MME: variants seen among roughly 807,000 people sequenced by gnomAD.
The protein encoded by MME is membrane metalloendopeptidase.
In MME, 98 loss-of-function variants were observed where a neutral mutation model predicts 113.2. The ratio of observed to expected loss-of-function variants is 0.87; its 90% CI spans 0.74 to 1.02. The LOEUF is 1.02. Among genes scored for constraint, MME ranks in the 50% least tolerant of loss-of-function variants. MME has a pLI of 0.00. For missense variants in MME, 836 were observed against 896.0 expected (o/e 0.93, Z 0.86); for synonymous variants, 292 against 300.6 (o/e 0.97, Z 0.30).
At position 155,100,381 on chromosome 3, in the gene MME, T is replaced by A. The variant is rs148913215; in HGVS notation, c.197-14613T>A. On this transcript the variant is annotated intron_variant, in intron 3 of 22. Transcript: ENST00000360490. Reference sequence around the variant, plus strand: ...CATCTCACACCAGTTAGAATGGCGATCATTAAAAAGTCAAGAAACAACAGG... The same window carrying A: ...CATCTCACACCAGTTAGAATGGCGAACATTAAAAAGTCAAGAAACAACAGG... Among the ~76,000 whole-genome samples the A allele has an allele frequency of 4.8e-3, 734 of 152,238 alleles. 7 individuals carry two copies. The highest frequency in any genetic ancestry group is 0.015 in the African/African-American group (638 of 41,534).
chr3:155,105,115 A>T (rs980705195), intron 3 of MME, among the ~76,000 whole-genome samples: 5 of 152,170 alleles, frequency 3.3e-5, no homozygotes, highest in African/African-American at 1.2e-4. Context: ...ATTGAAATGG[A>T]CTATGAGATA....
chr3:155,133,115 A>C (rs1239052364), intron 8 of MME, among the ~76,000 whole-genome samples: 2 of 144,150 alleles, frequency 1.4e-5, no homozygotes, highest in African/African-American at 5.1e-5. Context: ...GACAATTATC[A>C]TCATTTCACA....
intron 16 of MME, among the ~76,000 whole-genome samples, chr3:155,159,241 G>A (rs1417790277): frequency 1.3e-5 from 2 of 152,060 alleles, no homozygotes; most frequent in South Asian, 2.1e-4. Context: ...GGCAGAGCAG[G>A]GTCTAGAAAC....
intron 22 of MME, among the ~76,000 whole-genome samples, chr3:155,172,939 G>A (rs772075994): frequency 1.5e-4 from 23 of 152,044 alleles, no homozygotes; most frequent in Non-Finnish European, 2.5e-4. Context: ...AAGAGGCTGT[G>A]AATGGTTTAG....
chr3:155,072,798 A>G (rs1432723017), intron 1 of MME, among the ~76,000 whole-genome samples: 1 of 152,208 alleles, frequency 6.6e-6, no homozygotes, highest in African/African-American at 2.4e-5. Context: ...GTTGGGCTGT[A>G]AGTCATGTGT....
rs115317174 is a variant in MME at position 155,126,538 on chromosome 3, G to T, written c.720+7727G>T. ...ATATAGAAGCATTTTTGTTTAACCT[G>T]TAGTGTTTTTTTTTAAATTTTGAAT... On this transcript the variant is annotated intron_variant, in intron 8 of 22. Coordinates refer to ENST00000360490, the MANE Select transcript of MME (RefSeq NM_007289.4). Among the ~76,000 whole-genome samples, 531 of 151,752 alleles carry T rather than the reference G, an allele frequency of 3.5e-3. 6 individuals are homozygous for T. Among genetic ancestry groups the T allele is most frequent in the African/African-American group, 0.012 (514 of 41,386 alleles).
At chr3:155,099,141 A>G (rs144731703) in intron 3 of MME, among the ~76,000 whole-genome samples, 104 of 152,312 alleles carry the variant, frequency 6.8e-4, no homozygotes, top group Admixed American at 1.2e-3. Context: ...CATATGGATT[A>G]GTATTTTCAG....
chr3:155,121,420 C>A (rs975939109), intron 8 of MME, among the ~76,000 whole-genome samples: 4 of 151,054 alleles, frequency 2.6e-5, no homozygotes, highest in South Asian at 2.1e-4. Flanking sequence ...CCTTCTCTTG[C>A]CTAATTGCCC....
Position 155,116,715 on chromosome 3 carries a change from T to C in MME, c.491T>C (p.Ile164Thr), listed in dbSNP as rs1212686894. 1.2e-6 allele frequency: 2 copies of C among 1,613,620 alleles called. No homozygotes were observed. Among genetic ancestry groups the C allele is most frequent in the Admixed American group, 1.7e-5 (1 of 59,922 alleles). Residue 164 changes from isoleucine to threonine, a missense_variant, in exon 6 of 23, where the codon ATA becomes ACA. Ile to Thr is a moderately conservative substitution (Grantham distance 89). Transcript: ENST00000360490. ...CCTCTACTCAAACTGTTACCAGACA[T>C]ATATGGGTGGCCAGTAGCAACAGAA... Reference protein sequence around the residue: ...GEPLLKLLPDIYGWPVATENW... With the variant: ...GEPLLKLLPDTYGWPVATENW...
chr3:155,171,490 G>T (rs56661524), intron 20 of MME, among the ~76,000 whole-genome samples: 1,883 of 152,194 alleles, frequency 0.012, 22 homozygotes, highest in African/African-American at 0.036. Flanking sequence ...TTTTTCAGTA[G>T]CATAAATCTT....
At chr3:155,172,715 A>T (rs1218076070) in intron 22 of MME, 103 bp downstream of exon 22, 1 of 853,268 alleles carries the variant, frequency 1.2e-6, no homozygotes, top group Non-Finnish European at 1.9e-6. Flanking sequence ...ACATTTGGAA[A>T]TTCAGTGCTT....
At chr3:155,176,060 T>C (rs1712489560) in intron 22 of MME, among the ~76,000 whole-genome samples, 1 of 152,184 alleles carries the variant, frequency 6.6e-6, no homozygotes, top group Non-Finnish European at 1.5e-5. Context: ...TAAAAATTAG[T>C]TAATGATGAA....
intron 3 of MME, among the ~76,000 whole-genome samples, chr3:155,103,628 A>G (rs564108853): frequency 6.6e-6 from 1 of 152,272 alleles, no homozygotes; most frequent in South Asian, 2.1e-4. Context: ...ACTTGGGTGT[A>G]AGCATTTCCA....
At chr3:155,035,738 T>G (rs551035845) in intron 1 of MME, among the ~76,000 whole-genome samples, 1 of 151,976 alleles carries the variant, frequency 6.6e-6, no homozygotes, top group African/African-American at 2.4e-5. Flanking sequence ...GTGGAAGAGA[T>G]AAGGTGAGAG....
chr3:155,035,573 A>C (rs1713101587), intron 1 of MME, among the ~76,000 whole-genome samples: 1 of 152,166 alleles, frequency 6.6e-6, no homozygotes, highest in Non-Finnish European at 1.5e-5. Flanking sequence ...AGGCTTCTTT[A>C]AGAAGGTGGC....
chr3:155,031,963 G>GCT (rs374706754), intron 1 of MME, among the ~76,000 whole-genome samples: 1 of 152,222 alleles, frequency 6.6e-6, no homozygotes, highest in Non-Finnish European at 1.5e-5. Flanking sequence ...CCGGCCACCA[G>GCT]CTTTTGTTTT....
chr3:155,117,604 T>TG (rs1203331872), intron 7 of MME, among the ~76,000 whole-genome samples: 2 of 60,994 alleles, frequency 3.3e-5, no homozygotes, highest in Non-Finnish European at 7.9e-5. Flanking sequence ...TTTTTGTTTT[T>TG]TTTTTTTTTT....
intron 16 of MME, among the ~76,000 whole-genome samples, 170 bp from the exon 17 acceptor site, chr3:155,160,219 AG>A (rs1722617495): frequency 6.6e-6 from 1 of 152,138 alleles, no homozygotes; most frequent in Admixed American, 6.6e-5. Context: ...TTCAAGAAAT[AG>A]AAATGCTTTC....
At chr3:155,047,267 CTATAGTATG>C (rs932005078) in intron 1 of MME, among the ~76,000 whole-genome samples, 3 of 152,106 alleles carry the variant, frequency 2.0e-5, no homozygotes, top group African/African-American at 7.2e-5. Context: ...TTACCACTGT[CTATAGTATG>C]TAATAGAGTA....
Sources: gnomAD v4.1 joint callset for allele counts (sites outside exome capture counted in the v4.1 genomes callset) on GRCh38, gnomAD v4.1.1 for gene constraint, MANE v1.5 for transcripts, NCBI Gene and HGNC (gene_info 2026-07-23, HGNC 2026-07-21) for gene names.